Variants in TASOR2 observed in about 807,000 individuals in gnomAD.
TASOR2 encodes the protein transcription activation suppressor family member 2.
In TASOR2, 84 loss-of-function variants were observed where a neutral mutation model predicts 199.5. The observed-to-expected ratio is 0.42, with a 90% confidence interval of 0.35 to 0.50. The LOEUF (loss-of-function observed/expected upper bound fraction) is 0.50, where lower values mean the gene tolerates loss of function less well. Among genes scored for constraint, TASOR2 ranks in the 20% least tolerant of loss-of-function variants. TASOR2 has a pLI of 0.02. For synonymous variants in TASOR2, 1,103 were observed against 1,046.6 expected (o/e 1.05, Z -1.04); for missense variants, 2,796 against 2,835.9 (o/e 0.99, Z 0.32).
chr10:5,739,858 T>G, exon 13 of TASOR2: 1 of 1,614,218 alleles, frequency 6.2e-7, no homozygotes, highest in Non-Finnish European at 8.5e-7. Flanking sequence ...TCCTCTGAAT[T>G]GCCACAAAAT....
In TASOR2 at chr10:5,723,778, G is replaced by A. The variant is rs1396450446; in HGVS notation, c.247+1G>A. 2 of 1,595,364 alleles carry A rather than the reference G, an allele frequency of 1.3e-6. No individual in the cohort carries two copies. The highest frequency in any genetic ancestry group is 1.7e-6 in the Non-Finnish European group (2 of 1,169,168). ...AAACAGAATTACTTGGAGGAGAAAGGTCTGTTGAAATGTAATAACACGCTA... is the reference window on the plus strand; with the variant it reads ...AAACAGAATTACTTGGAGGAGAAAGATCTGTTGAAATGTAATAACACGCTA... On this transcript the variant is annotated splice_donor_variant, in intron 7 of 20. Transcript: ENST00000328090. LOFTEE classifies it high-confidence loss of function.
At position 5,688,172 on chromosome 10, in the gene TASOR2, G is replaced by A. The variant is rs1835999574; in HGVS notation, c.-288+2997G>A. On this transcript the variant is annotated intron_variant, in intron 1 of 20. Transcript: ENST00000328090. ...GATGAATATTTTAATAATCTTTTCA[G>A]ATGATTATGTTCTTTTTTGATACTC... Among the ~76,000 whole-genome samples, 3 of 152,252 alleles carry A rather than the reference G, an allele frequency of 2.0e-5. No individual in the cohort carries two copies. The South Asian group carries it at 6.2e-4, about 32-fold the overall frequency.
intron 2 of TASOR2, 38 bp downstream of exon 2, chr10:5,712,956 T>G: frequency 1.0e-6 from 1 of 956,602 alleles, no homozygotes; most frequent in East Asian, 3.3e-5. Flanking sequence ...ATGGTATCAT[T>G]AGTCTTAAGT....
intron 11 of TASOR2, among the ~76,000 whole-genome samples, chr10:5,734,998 G>GT (rs1835371148): frequency 6.6e-6 from 1 of 151,698 alleles, no homozygotes. Context: ...CCAGCCCAAA[G>GT]TTTTGTTTGT....
At chr10:5,735,947 T>A (rs577102622) in intron 12 of TASOR2, among the ~76,000 whole-genome samples, 2 of 152,158 alleles carry the variant, frequency 1.3e-5, no homozygotes, top group Non-Finnish European at 2.9e-5. Flanking sequence ...TGTCCAAAAC[T>A]GTCAGTAATC....
chr10:5,747,666 A>G (rs770024958), exon 15 of TASOR2: 1 of 1,614,220 alleles, frequency 6.2e-7, no homozygotes, highest in South Asian at 1.1e-5. Context: ...AAGAGACACG[A>G]CCATATCAGG....
At position 5,742,497 on chromosome 10, in the gene TASOR2, C is replaced by G. The variant is rs780495798; in HGVS notation, c.2728C>G (p.Gln910Glu). ...GTGTGATCCAGACACCCAAGAAGAC[C>G]AGAATTTCATCTGTTCTTACAATAA... Residue 910 changes from glutamine to glutamate, a missense_variant, in exon 14 of 21, where the codon CAG becomes GAG. This residue lies in a region of TASOR2 where 1,941 missense variants were observed against 1,924.9 expected (regional missense o/e 1.01). Coordinates refer to ENST00000328090, the Ensembl canonical transcript of TASOR2. This position sits in a 1 kb window ranked among gnomAD's most constrained non-coding sequence, Gnocchi z 4.2. The G allele has an allele frequency of 3.7e-6, 6 of 1,613,602 alleles. No individual in the cohort carries two copies. In the Admixed American group the frequency reaches 8.3e-5, roughly 22 times the overall value.
rs774086698 is a variant in TASOR2 at position 5,749,237 on chromosome 10, G to C, written c.5816G>C (p.Arg1939Thr). The change falls in exon 15 of 21, where the codon AGA becomes ACA. Residue 1939 changes from arginine (R) to threonine (T), a missense_variant. This residue lies in a region of TASOR2 where 1,941 missense variants were observed against 1,924.9 expected (regional missense o/e 1.01). Transcript: ENST00000328090. ...ACAAAAGAACTCAAAGATACCATGA[G>C]AACTTCACACGGCCTGAGGAGGCAC... The C allele has an allele frequency of 1.2e-6, 2 of 1,614,088 alleles. No homozygotes were observed. The highest frequency in any genetic ancestry group is 1.7e-6 in the Non-Finnish European group (2 of 1,180,046).
exon 11 of TASOR2, chr10:5,731,076 G>A (rs1172317708): frequency 2.5e-6 from 4 of 1,613,928 alleles, no homozygotes; most frequent in Admixed American, 1.7e-5. Context: ...CCCACATGGT[G>A]CAGAGTAAAA....
At chr10:5,703,749 C>T (rs908574833) in intron 1 of TASOR2, among the ~76,000 whole-genome samples, 6 of 151,782 alleles carry the variant, frequency 4.0e-5, no homozygotes, top group Admixed American at 6.6e-5. Flanking sequence ...GTGATCCGCC[C>T]GCCTCTGCCT....
chr10:5,701,680 T>C lies in TASOR2; in HGVS notation c.-287-11143T>C, dbSNP rs1837872759. Among the ~76,000 whole-genome samples the C allele has an allele frequency of 6.6e-6, 1 of 152,218 alleles. No homozygotes were observed. Among genetic ancestry groups the C allele is most frequent in the Non-Finnish European group, 1.5e-5 (1 of 68,020 alleles). ...TTCTTGTATAGATCTTTCACTTCTT[T>C]GGCTAAATTGATTCCTAGGTATGTT... On this transcript the variant is annotated intron_variant, in intron 1 of 20. Transcript: ENST00000328090. The surrounding 1 kb of genome is among the most constrained non-coding windows in gnomAD (Gnocchi z 4.9).
At position 5,746,163 on chromosome 10, in the gene TASOR2, A is replaced by G. The variant is rs201175904; in HGVS notation, c.2758-16A>G. 12 of 1,287,562 alleles carry G rather than the reference A, an allele frequency of 9.3e-6. No homozygotes were observed. The East Asian group carries it at 3.3e-4, about 36-fold the overall frequency. The allele number at this position is 1,287,562 out of a possible 1,614,324, so 79.8% of individuals were successfully genotyped here. A position where few individuals can be genotyped will look rare whatever the true frequency, so the allele number is the denominator to read the frequency against. On this transcript the variant is annotated splice_polypyrimidine_tract_variant and intron_variant, in intron 14 of 20. Transcript: ENST00000328090. ...ATATGACTGATTTTTTTTTTTTTTT[A>G]CTTTGGCCGTTTCAGGTAACTGGGG...
intron 12 of TASOR2, among the ~76,000 whole-genome samples, chr10:5,736,093 C>T (rs1277026809): frequency 6.6e-6 from 1 of 152,170 alleles, no homozygotes; most frequent in Non-Finnish European, 1.5e-5. Context: ...CACGTACCAC[C>T]ATGCTCAGCT....
intron 11 of TASOR2, 37 bp from the exon 13 acceptor site, chr10:5,735,267 C>T: frequency 6.3e-7 from 1 of 1,599,794 alleles, no homozygotes; most frequent in Non-Finnish European, 8.5e-7. Context: ...TATCTGGGCC[C>T]CTACCCCTTA....
intron 16 of TASOR2, 52 bp downstream of exon 17, chr10:5,756,790 C>T: frequency 6.3e-7 from 1 of 1,582,016 alleles, no homozygotes; most frequent in Non-Finnish European, 8.6e-7. Context: ...ATAAGTTGTT[C>T]TGTAATGCTC....
chr10:5,749,782 G>A (rs776753194), exon 15 of TASOR2: 2 of 1,614,162 alleles, frequency 1.2e-6, no homozygotes, highest in East Asian at 2.2e-5. Flanking sequence ...ATTCAACAAG[G>A]TGATGAAGAA....
chr10:5,748,257 A>G lies in TASOR2; in HGVS notation c.4836A>G (p.Lys1612=), dbSNP rs781028041. ...CAGTAAAACAGCAGACTAGCCCTAA[A>G]AGCAGTCAGAACCATCTCTTTCCCG... The change falls in exon 15 of 21, where the codon AAA becomes AAG. Residue 1612 remains lysine, a synonymous_variant. Coordinates refer to ENST00000328090, the Ensembl canonical transcript of TASOR2. This position sits in a 1 kb window ranked among gnomAD's most constrained non-coding sequence, Gnocchi z 5.1. 1.2e-6 allele frequency: 2 copies of G among 1,614,212 alleles called. No homozygotes were observed. Among genetic ancestry groups the G allele is most frequent in the Non-Finnish European group, 1.7e-6 (2 of 1,180,040 alleles).
exon 8 of TASOR2, chr10:5,724,531 T>C (rs1833778900): frequency 7.3e-7 from 1 of 1,362,706 alleles, no homozygotes; most frequent in Admixed American, 2.6e-5. Context: ...AAACAAGCAA[T>C]TGGTAAGCAT....
chr10:5,744,565 A>C (rs943654743), intron 14 of TASOR2, among the ~76,000 whole-genome samples: 1 of 152,088 alleles, frequency 6.6e-6, no homozygotes, highest in Admixed American at 6.5e-5. Context: ...AGCCTCCCAA[A>C]GTGCTGGGGA....
Sources: gnomAD v4.1 joint callset for allele counts (sites outside exome capture counted in the v4.1 genomes callset) on GRCh38, gnomAD v4.1.1 for gene constraint, gnomAD v4.1.1 regional missense constraint, Gnocchi (gnomAD v3.1) non-coding constraint, MANE v1.5 for transcripts, NCBI Gene and HGNC (gene_info 2026-07-23, HGNC 2026-07-21) for gene names.